ZIC1: variants seen among roughly 807,000 people sequenced by gnomAD.
ZIC1 encodes the protein zinc finger protein ZIC 1.
In ZIC1, 4 loss-of-function variants were observed where a neutral mutation model predicts 30.9. That is an observed-to-expected ratio of 0.13 (90% CI 0.06 to 0.30). The LOEUF (loss-of-function observed/expected upper bound fraction) is 0.30, where lower values mean the gene tolerates loss of function less well. Ranked by LOEUF, ZIC1 falls within the 10% of genes least tolerant of loss-of-function variation. ZIC1 has a pLI of 1.00. For synonymous variants in ZIC1, 305 were observed against 277.5 expected (o/e 1.10, Z -0.98); for missense variants, 441 against 639.3 (o/e 0.69, Z 3.34).
chr3:147,410,165 G>A lies in ZIC1; in HGVS notation c.53G>A (p.Gly18Asp). Reference sequence around the variant, plus strand: ...CCAGCGATCGGCGTGACCACCTTTGGCGCGTCCCGCCACCACTCCGCGGGC... The same window carrying A: ...CCAGCGATCGGCGTGACCACCTTTGACGCGTCCCGCCACCACTCCGCGGGC... The part of the protein sequence containing the change: ...QYPAIGVTTF[G>D]ASRHHSAGDV... The change falls in exon 1 of 3, where the codon GGC (glycine) becomes GAC (aspartate). Residue 18 changes from glycine (G) to aspartate (D), a missense_variant. Coordinates refer to ENST00000282928, the MANE Select transcript of ZIC1 (RefSeq NM_003412.4). The A allele has an allele frequency of 6.3e-7, 1 of 1,599,022 alleles. No homozygotes were observed. Among genetic ancestry groups the A allele is most frequent in the Non-Finnish European group, 8.5e-7 (1 of 1,178,854 alleles).
rs1275923284 is a variant in ZIC1 at position 147,414,503 on chromosome 3, C to A, written c.*952C>A. 1.3e-5 allele frequency: 2 copies of A among 152,614 alleles called. No homozygotes were observed. The highest frequency in any genetic ancestry group is 4.8e-5 in the African/African-American group (2 of 41,450). The allele number at this position is 152,614 out of a possible 1,614,324, so 9.5% of individuals were successfully genotyped here. Reference sequence around the variant, plus strand: ...ATGGCTAGAAGAACTCGTATGTACACTTTAGTTTCCAGAACTGTTTGGTAA... The same window carrying A: ...ATGGCTAGAAGAACTCGTATGTACAATTTAGTTTCCAGAACTGTTTGGTAA... On this transcript the variant is annotated 3_prime_UTR_variant, in exon 3 of 3. Coordinates refer to ENST00000282928, the MANE Select transcript of ZIC1 (RefSeq NM_003412.4).
In ZIC1 at chr3:147,410,337, G is replaced by C. The variant is rs761940452; in HGVS notation, c.225G>C (p.Ala75=). 6.3e-7 allele frequency: 1 copy of C among 1,599,850 alleles called. No individual in the cohort carries two copies. The change falls in exon 1 of 3, where the codon GCG becomes GCC. Residue 75 remains alanine (A), a synonymous_variant. Coordinates refer to ENST00000282928, the MANE Select transcript of ZIC1 (RefSeq NM_003412.4). ...TSQAPGYAAA[A]ALGHHHHPGH... ...AGGCGCCAGGCTACGCGGCTGCTGC[G>C]GCCCTGGGCCATCACCATCACCCGG...
chr3:147,411,117 C>T (rs2107993357), intron 1 of ZIC1, 23 bp downstream of exon 1: 3 of 1,593,210 alleles, frequency 1.9e-6, no homozygotes, highest in South Asian at 2.3e-5. Flanking sequence ...CTGTAGGACC[C>T]CTACCCATTC....
rs1431323472 is a variant in ZIC1 at position 147,414,359 on chromosome 3, C to T, written c.*808C>T. The T allele has an allele frequency of 6.6e-6, 1 of 152,534 alleles. No homozygotes were observed. Among genetic ancestry groups the T allele is most frequent in the African/African-American group, 2.4e-5 (1 of 41,396 alleles). The allele number at this position is 152,534 out of a possible 1,614,324, so 9.4% of individuals were successfully genotyped here. On this transcript the variant is annotated 3_prime_UTR_variant, in exon 3 of 3. Transcript: ENST00000282928. ...AAAGTGATATTAAAAAAGATATAAACTATAACTGTCCGTTACTTTTGGCAA... is the reference window on the plus strand; with the variant it reads ...AAAGTGATATTAAAAAAGATATAAATTATAACTGTCCGTTACTTTTGGCAA...
rs370980914 is a variant in ZIC1 at position 147,410,564 on chromosome 3, C to T, written c.452C>T (p.Ala151Val). ...LLFPGLHEQA[A>V]GHASPNVVNG... ...TTCCCCGGGCTTCACGAGCAGGCTG[C>T]CGGCCACGCGTCGCCTAACGTGGTC... is the stretch of plus-strand genomic sequence containing the variant. The change falls in exon 1 of 3, where the codon GCC becomes GTC. Residue 151 changes from alanine (A) to valine (V), a missense_variant. Ala to Val is a moderately conservative substitution (Grantham distance 64). Transcript: ENST00000282928. 26 of 1,611,308 alleles carry T rather than the reference C, an allele frequency of 1.6e-5. No individual in the cohort carries two copies. Among genetic ancestry groups the T allele is most frequent in the Non-Finnish European group, 2.2e-5 (26 of 1,179,330 alleles).
At position 147,413,470 on chromosome 3, in the gene ZIC1, C is replaced by T. The variant is rs2087400873; in HGVS notation, c.1263C>T (p.Ser421=). The change falls in exon 3 of 3, where the codon TCC becomes TCT. Residue 421 remains serine, a synonymous_variant. Coordinates refer to ENST00000282928, the MANE Select transcript of ZIC1 (RefSeq NM_003412.4). ...SPSTDNPTTS[S]LSPSSSAVHH... is the part of the protein sequence containing the mutation. Reference sequence around the variant, plus strand: ...CCACAGACAACCCGACCACAAGCTCCTTATCGCCCTCCTCCTCCGCAGTCC... The same window carrying T: ...CCACAGACAACCCGACCACAAGCTCTTTATCGCCCTCCTCCTCCGCAGTCC... The T allele has an allele frequency of 6.2e-7, 1 of 1,614,204 alleles. No homozygotes were observed. The highest frequency in any genetic ancestry group is 1.1e-5 in the South Asian group (1 of 91,084).
chr3:147,410,384 G>A lies in ZIC1; in HGVS notation c.272G>A (p.Ser91Asn), dbSNP rs748611582. ...HHPGHVGSYS[S>N]AAFNSTRDFL... ...CCGGGCCACGTCGGCTCCTATTCCAGCGCAGCCTTCAACTCCACGCGGGAC... is the reference window on the plus strand; with the variant it reads ...CCGGGCCACGTCGGCTCCTATTCCAACGCAGCCTTCAACTCCACGCGGGAC... The change falls in exon 1 of 3, where the codon AGC (serine) becomes AAC (asparagine). Residue 91 changes from serine (S) to asparagine (N), a missense_variant. This residue lies in a region of ZIC1 where 307 missense variants were observed against 355.3 expected (regional missense o/e 0.86). Transcript: ENST00000282928. 1.9e-6 allele frequency: 3 copies of A among 1,602,258 alleles called. No homozygotes were observed. Among genetic ancestry groups the A allele is most frequent in the Non-Finnish European group, 1.7e-6 (2 of 1,179,672 alleles).
intron 1 of ZIC1, 51 bp downstream of exon 1, chr3:147,411,145 C>CCAAACCGAAAGTCAGCGGCCAGGTCGCA: frequency 3.9e-6 from 6 of 1,553,200 alleles, no homozygotes; most frequent in Non-Finnish European, 5.2e-6. Flanking sequence ...GGCCTGGGAC[C>CCAAACCGAAAGTCAGCGGCCAGGTCGCA]CAAACCGAAA....
Position 147,414,871 on chromosome 3 carries a change from G to A in ZIC1, c.*1320G>A, listed in dbSNP as rs565671473. ...AGGCGACATCAATATTAATGTAGACGAATTGTCAGAAGCTCAGGGGCTCGC... is the reference window on the plus strand; with the variant it reads ...AGGCGACATCAATATTAATGTAGACAAATTGTCAGAAGCTCAGGGGCTCGC... On this transcript the variant is annotated 3_prime_UTR_variant, in exon 3 of 3. Transcript: ENST00000282928. 6.6e-6 allele frequency: 1 copy of A among 152,586 alleles called. No homozygotes were observed. Among genetic ancestry groups the A allele is most frequent in the African/African-American group, 2.4e-5 (1 of 41,418 alleles). 9.5% of individuals were successfully genotyped at this position (152,586 alleles called of 1,614,324 possible). A position where few individuals can be genotyped will look rare whatever the true frequency, so the allele number is the denominator to read the frequency against.
intron 1 of ZIC1, among the ~76,000 whole-genome samples, chr3:147,411,646 T>C (rs576406327): frequency 7.2e-5 from 11 of 152,278 alleles, no homozygotes; most frequent in African/African-American, 2.6e-4. Context: ...TGGAGCTTTA[T>C]GCATATTTGA....
rs772576101 is a variant in ZIC1, at chr3:147,414,916, A to T, written c.*1365A>T. 6.6e-6 allele frequency: 1 copy of T among 152,662 alleles called. No individual in the cohort carries two copies. Among genetic ancestry groups the T allele is most frequent in the Non-Finnish European group, 1.5e-5 (1 of 68,036 alleles). The allele number at this position is 152,662 out of a possible 1,614,324, so 9.5% of individuals were successfully genotyped here. ...GCTCGCTCTGCAACATTGCAAATGA[A>T]CTTGCAGCCGAGGGTTCCGCTGCCC... is the stretch of plus-strand genomic sequence containing the variant. On this transcript the variant is annotated 3_prime_UTR_variant, in exon 3 of 3. Transcript: ENST00000282928.
At position 147,410,065 on chromosome 3, in the gene ZIC1, G is replaced by T; in HGVS notation, c.-48G>T. 3 of 1,422,772 alleles carry T rather than the reference G, an allele frequency of 2.1e-6. No homozygotes were observed. Among genetic ancestry groups the T allele is most frequent in the Non-Finnish European group, 2.7e-6 (3 of 1,096,086 alleles). 88.1% of individuals were successfully genotyped at this position (1,422,772 alleles called of 1,614,324 possible). Reference sequence around the variant, plus strand: ...TCCCGATTTTCCCTCCTCGGCTGGCGAGGGTGGGGGGGGCGGGGGAGGCCG... The same window carrying T: ...TCCCGATTTTCCCTCCTCGGCTGGCTAGGGTGGGGGGGGCGGGGGAGGCCG... On this transcript the variant is annotated 5_prime_UTR_variant, in exon 1 of 3. Coordinates refer to ENST00000282928, the MANE Select transcript of ZIC1 (RefSeq NM_003412.4).
At position 147,409,833 on chromosome 3, in the gene ZIC1, G is replaced by A. The variant is rs929821964; in HGVS notation, c.-280G>A. On this transcript the variant is annotated 5_prime_UTR_variant, in exon 1 of 3. Coordinates refer to ENST00000282928, the MANE Select transcript of ZIC1 (RefSeq NM_003412.4). ...CAGAGACTGAGCGGCGAGAAAGTGCGAGCCGGGCCGGCAGAATCTGCCTGG... is the reference window on the plus strand; with the variant it reads ...CAGAGACTGAGCGGCGAGAAAGTGCAAGCCGGGCCGGCAGAATCTGCCTGG... The A allele has an allele frequency of 1.3e-4, 58 of 461,328 alleles. No individual in the cohort carries two copies. Among genetic ancestry groups the A allele is most frequent in the Non-Finnish European group, 2.1e-4 (54 of 263,056 alleles). The allele number at this position is 461,328 out of a possible 1,614,324, so 28.6% of individuals were successfully genotyped here.
chr3:147,415,680 G>C lies in ZIC1; in HGVS notation c.*2129G>C, dbSNP rs2087427933. 1 of 152,352 alleles carries C rather than the reference G, an allele frequency of 6.6e-6. No homozygotes were observed. Among genetic ancestry groups the C allele is most frequent in the Admixed American group, 6.5e-5 (1 of 15,292 alleles). The allele number at this position is 152,352 out of a possible 1,614,324, so 9.4% of individuals were successfully genotyped here. A position where few individuals can be genotyped will look rare whatever the true frequency, so the allele number is the denominator to read the frequency against. The stretch of plus-strand genomic sequence containing the variant: ...CACTCTATGTGTTCAGGAAGCCACA[G>C]GCCATATTTGACTCTGAGAAAGAAA... On this transcript the variant is annotated 3_prime_UTR_variant, in exon 3 of 3. Coordinates refer to ENST00000282928, the MANE Select transcript of ZIC1 (RefSeq NM_003412.4).
Position 147,409,521 on chromosome 3 carries a change from C to T in ZIC1, c.-592C>T, listed in dbSNP as rs926934922. 1 of 152,596 alleles carries T rather than the reference C, an allele frequency of 6.6e-6. No homozygotes were observed. The highest frequency in any genetic ancestry group is 2.4e-5 in the African/African-American group (1 of 41,346). 9.5% of individuals were successfully genotyped at this position (152,596 alleles called of 1,614,324 possible). A position where few individuals can be genotyped will look rare whatever the true frequency, so the allele number is the denominator to read the frequency against. On this transcript the variant is annotated 5_prime_UTR_variant, in exon 1 of 3. Coordinates refer to ENST00000282928, the MANE Select transcript of ZIC1 (RefSeq NM_003412.4). Reference sequence around the variant, plus strand: ...GGCTTTTTCTTTCTTTCTTCACCCCCCCACCCACTTTTTTTTTTTTTTTTT... The same window carrying T: ...GGCTTTTTCTTTCTTTCTTCACCCCTCCACCCACTTTTTTTTTTTTTTTTT...
rs764317884 is a variant in ZIC1, at chr3:147,413,434, C to G, written c.1227C>G (p.Ile409Met). Residue 409 changes from isoleucine (I) to methionine (M), a missense_variant, in exon 3 of 3, where the codon ATC becomes ATG. Physicochemically the swap from Ile to Met is conservative, Grantham distance 10. Coordinates refer to ENST00000282928, the MANE Select transcript of ZIC1 (RefSeq NM_003412.4). ...SGYESSTPPT[I>M]VSPSTDNPTT... ...ACGAATCCTCCACGCCTCCCACCAT[C>G]GTGTCTCCCTCCACAGACAACCCGA... 1 of 1,614,164 alleles carries G rather than the reference C, an allele frequency of 6.2e-7. No homozygotes were observed. Among genetic ancestry groups the G allele is most frequent in the Non-Finnish European group, 8.5e-7 (1 of 1,180,030 alleles).
chr3:147,409,771 C>A lies in ZIC1; in HGVS notation c.-342C>A. On this transcript the variant is annotated 5_prime_UTR_variant, in exon 1 of 3. Transcript: ENST00000282928. ...TTTTAGGGGGCTGAGATGCTCCATGCCTTTCCCCGGGCAGCCTTGACGCGC... is the reference window on the plus strand; with the variant it reads ...TTTTAGGGGGCTGAGATGCTCCATGACTTTCCCCGGGCAGCCTTGACGCGC... 1 of 352,524 alleles carries A rather than the reference C, an allele frequency of 2.8e-6. No individual in the cohort carries two copies. The highest frequency in any genetic ancestry group is 5.1e-6 in the Non-Finnish European group (1 of 195,046). 21.8% of individuals were successfully genotyped at this position (352,524 alleles called of 1,614,324 possible). A position where few individuals can be genotyped will look rare whatever the true frequency, so the allele number is the denominator to read the frequency against.
chr3:147,413,237 C>A, intron 2 of ZIC1, 117 bp from the exon 3 acceptor site: 1 of 1,100,282 alleles, frequency 9.1e-7, no homozygotes, highest in South Asian at 1.6e-5. Context: ...TCGGGCCTCA[C>A]CTGTGTTCAG....
Position 147,409,948 on chromosome 3 carries a change from G to C in ZIC1, c.-165G>C, listed in dbSNP as rs2087349557. 1.4e-6 allele frequency: 1 copy of C among 736,640 alleles called. No homozygotes were observed. The highest frequency in any genetic ancestry group is 2.0e-6 in the Non-Finnish European group (1 of 495,840). 45.6% of individuals were successfully genotyped at this position (736,640 alleles called of 1,614,324 possible). On this transcript the variant is annotated 5_prime_UTR_variant, in exon 1 of 3. Transcript: ENST00000282928. ...CAGCGCCCGGGCGCGCCGCGCCATT[G>C]CCTGCAGGCTAGGACTTCGCGAGGT... is the stretch of plus-strand genomic sequence containing the variant.
Sources: allele counts gnomAD v4.1 joint callset (sites outside exome capture counted in the v4.1 genomes callset), GRCh38; gene constraint gnomAD v4.1.1; regional missense constraint gnomAD v4.1.1; transcripts MANE v1.5; gene names NCBI Gene and HGNC (gene_info 2026-07-23, HGNC 2026-07-21).